Variants in CDK13 observed in about 807,000 individuals in gnomAD.
The protein encoded by CDK13 is cyclin-dependent kinase 13.
A neutral mutation model predicts 137.6 loss-of-function variants in CDK13; 40 were observed. That is an observed-to-expected ratio of 0.29 (90% CI 0.23 to 0.38). The LOEUF is 0.38. Among genes scored for constraint, CDK13 ranks in the 10% least tolerant of loss-of-function variants. CDK13 has a pLI of 1.00. For missense variants in CDK13, 1,704 were observed against 1,951.8 expected, an observed-to-expected ratio of 0.87 and a Z score of 2.39; for synonymous variants, 869 against 760.1, an observed-to-expected ratio of 1.14 and a Z score of -2.36.
chr7:39,953,632 G>A (rs1016956216), intron 1 of CDK13, among the ~76,000 whole-genome samples: 4 of 152,104 alleles, frequency 2.6e-5, no homozygotes, highest in African/African-American at 9.7e-5. Flanking sequence ...TTTAGGTATT[G>A]GGATGTAGCA....
intron 5 of CDK13, among the ~76,000 whole-genome samples, chr7:40,013,850 T>C (rs1402753206): frequency 6.6e-6 from 1 of 151,998 alleles, no homozygotes; most frequent in African/African-American, 2.4e-5. Flanking sequence ...AGAGTCCAAA[T>C]TGAGAGGGAT....
Position 40,027,503 on chromosome 7 carries a change from G to A in CDK13, c.2354-18333G>A, listed in dbSNP as rs181927503. Among the ~76,000 whole-genome samples, 534 of 152,198 alleles carry A rather than the reference G, an allele frequency of 3.5e-3. 1 individual carries two copies. Among genetic ancestry groups the A allele is most frequent in the African/African-American group, 0.012 (486 of 41,538 alleles). ...CTGGGTCTAACCACATTTCAACTGT[G>A]CAATAGCCACATGTTAAGACTAAAG... On this transcript the variant is annotated intron_variant, in intron 5 of 13. Transcript: ENST00000181839.
intron 12 of CDK13, 51 bp from the exon 13 acceptor site, chr7:40,092,734 G>T: frequency 7.3e-7 from 1 of 1,364,442 alleles, no homozygotes; most frequent in South Asian, 1.2e-5. Flanking sequence ...GTGTGGGAGT[G>T]GGAGGAGCTG....
intron 1 of CDK13, among the ~76,000 whole-genome samples, chr7:39,962,565 TCTCCCA>T (rs976330226): frequency 3.4e-4 from 52 of 152,354 alleles, no homozygotes; most frequent in African/African-American, 1.3e-3. Flanking sequence ...GCAGAAATTT[TCTCCCA>T]TTTTGTAGGT....
At chr7:40,023,710 A>G (rs1001355776) in intron 5 of CDK13, among the ~76,000 whole-genome samples, 2 of 151,852 alleles carry the variant, frequency 1.3e-5, no homozygotes, top group Non-Finnish European at 2.9e-5. Flanking sequence ...CATGTTAGCC[A>G]GGATGGTCTC....
intron 11 of CDK13, among the ~76,000 whole-genome samples, chr7:40,083,510 A>C (rs977566884): frequency 6.6e-6 from 1 of 152,306 alleles, no homozygotes; most frequent in South Asian, 2.1e-4. Context: ...TATCAGTGCT[A>C]CTTTGCCAGT....
At chr7:39,966,360 C>T (rs1218097673) in intron 1 of CDK13, among the ~76,000 whole-genome samples, 14 of 152,138 alleles carry the variant, frequency 9.2e-5, no homozygotes, top group Admixed American at 9.2e-4. Context: ...TGCTTCATTT[C>T]ATCTTCCATC....
chr7:40,036,685 T>G (rs1174179837), intron 5 of CDK13, among the ~76,000 whole-genome samples: 5 of 151,796 alleles, frequency 3.3e-5, no homozygotes, highest in Non-Finnish European at 5.9e-5. Flanking sequence ...TTGCTAAATT[T>G]ACTTATCCCT....
At chr7:39,971,985 TTG>T (rs1784009641) in intron 1 of CDK13, among the ~76,000 whole-genome samples, 2 of 152,272 alleles carry the variant, frequency 1.3e-5, no homozygotes, top group African/African-American at 4.8e-5. Flanking sequence ...GAACAAATTC[TTG>T]ATGGCTACAG....
At position 40,092,385 on chromosome 7, in the gene CDK13, TC is replaced by T. The variant is rs570950718; in HGVS notation, c.3236-399del. 3.5e-3 allele frequency: 563 copies of T among 161,908 alleles called. 2 individuals carry two copies. Among genetic ancestry groups the T allele is most frequent in the Non-Finnish European group, 5.4e-3 (396 of 73,514 alleles). The allele number at this position is 161,908 out of a possible 1,614,324, so 10.0% of individuals were successfully genotyped here. ...CAGTAAAAGGAGGCTAATAATAGAG[TC>T]TGCCTTCTAAGGTTGTTGTAAGGAA... On this transcript the variant is annotated intron_variant, in intron 12 of 13. Transcript: ENST00000181839.
chr7:39,952,462 T>C (rs1787259070), intron 1 of CDK13: 1 of 152,202 alleles, frequency 6.6e-6, no homozygotes, highest in Non-Finnish European at 1.5e-5. Flanking sequence ...GGTATCTATT[T>C]AGTGATATTC....
intron 1 of CDK13, among the ~76,000 whole-genome samples, chr7:39,976,234 A>G (rs1243291418): frequency 5.3e-5 from 8 of 149,748 alleles, no homozygotes; most frequent in Non-Finnish European, 1.2e-4. Flanking sequence ...CGGAGGTTGC[A>G]GTGAGCCGAG....
At chr7:39,963,902 G>A (rs557722308) in intron 1 of CDK13, among the ~76,000 whole-genome samples, 12 of 152,270 alleles carry the variant, frequency 7.9e-5, no homozygotes, top group South Asian at 2.1e-4. Context: ...CATTGGTGCC[G>A]TTTATATGCT....
chr7:40,071,104 A>G (rs2150531980), intron 9 of CDK13: 1 of 152,252 alleles, frequency 6.6e-6, no homozygotes, highest in African/African-American at 2.4e-5. Flanking sequence ...AAAAGAGGGA[A>G]GCTTCCCATA....
chr7:39,974,574 T>C (rs1022502778), intron 1 of CDK13, among the ~76,000 whole-genome samples: 291 of 151,650 alleles, frequency 1.9e-3, no homozygotes, highest in South Asian at 3.7e-3. Flanking sequence ...TTTTTTTTTT[T>C]TGTTTTTTGA....
intron 1 of CDK13, among the ~76,000 whole-genome samples, chr7:39,987,338 T>C (rs1784361168): frequency 6.6e-6 from 1 of 152,194 alleles, no homozygotes; most frequent in Non-Finnish European, 1.5e-5. Context: ...GAGACAGCAG[T>C]GATGCCTTGT....
In CDK13 at chr7:39,950,307, AC is replaced by A. The variant is rs987376610; in HGVS notation, c.-330del. Reference sequence around the variant, plus strand: ...AGAGCGCGGCCAAGGCCGCTCCCCCACCCCCGGGGGCACTTGGAGGACTCGG... The same window carrying A: ...AGAGCGCGGCCAAGGCCGCTCCCCCACCCCGGGGGCACTTGGAGGACTCGG... On this transcript the variant is annotated 5_prime_UTR_variant, in exon 1 of 14. Coordinates refer to ENST00000181839, the MANE Select transcript of CDK13 (RefSeq NM_003718.5). 4.1e-5 allele frequency: 45 copies of A among 1,098,670 alleles called. No individual in the cohort carries two copies. The highest frequency in any genetic ancestry group is 2.5e-5 in the Non-Finnish European group (23 of 903,614). 68.1% of individuals were successfully genotyped at this position (1,098,670 alleles called of 1,614,324 possible). A position where few individuals can be genotyped will look rare whatever the true frequency, so the allele number is the denominator to read the frequency against.
In CDK13 at chr7:39,950,981, G is replaced by A; in HGVS notation, c.340G>A (p.Glu114Lys). The change falls in exon 1 of 14, where the codon GAG becomes AAG. Residue 114 changes from glutamate (E) to lysine (K), a missense_variant. Glu to Lys is a moderately conservative substitution (Grantham distance 56). Around this residue, in one of 5 missense-constraint regions of CDK13, gnomAD observed 1,051 missense variants for 931.0 expected, o/e 1.13. Coordinates refer to ENST00000181839, the MANE Select transcript of CDK13 (RefSeq NM_003718.5). ...KRRRGPRAGQEAEKRRVFSLP... is the reference protein window; with the variant it reads ...KRRRGPRAGQKAEKRRVFSLP... ...GCGTCGCGGGCCCCGCGCCGGGCAG[G>A]AGGCGGAGAAGCGTCGGGTCTTCTC... 7.6e-7 allele frequency: 1 copy of A among 1,315,038 alleles called. No individual in the cohort carries two copies. The highest frequency in any genetic ancestry group is 2.2e-5 in the South Asian group (1 of 44,822). The allele number at this position is 1,315,038 out of a possible 1,614,324, so 81.5% of individuals were successfully genotyped here.
chr7:40,023,194 G>A (rs117378878), intron 5 of CDK13, among the ~76,000 whole-genome samples: 1,807 of 151,362 alleles, frequency 0.012, 13 homozygotes, highest in Non-Finnish European at 0.018. Flanking sequence ...CCAGGTTCAA[G>A]AGATTCTCAT....
Sources: allele counts gnomAD v4.1 joint callset (sites outside exome capture counted in the v4.1 genomes callset), GRCh38; gene constraint gnomAD v4.1.1; regional missense constraint gnomAD v4.1.1; transcripts MANE v1.5; gene names NCBI Gene and HGNC (gene_info 2026-07-23, HGNC 2026-07-21).